ANKRD26: variants seen among roughly 807,000 people sequenced by gnomAD.
The protein encoded by ANKRD26 is ankyrin repeat domain-containing protein 26.
In ANKRD26, 141 loss-of-function variants were observed where a neutral mutation model predicts 208.7. That is an observed-to-expected ratio of 0.68 (90% confidence interval 0.59 to 0.78). ANKRD26 has a LOEUF of 0.78. Ranked by LOEUF, ANKRD26 falls within the 30% of genes least tolerant of loss-of-function variation. The pLI is 0.00. For synonymous variants in ANKRD26, 636 were observed against 660.4 expected, an observed-to-expected ratio of 0.96 and a Z score of 0.57; for missense variants, 1,889 against 1,938.7, an observed-to-expected ratio of 0.97 and a Z score of 0.48.
chr10:26,974,484 G>A (rs1241745845), exon 6 of ANKRD26, among the ~76,000 whole-genome samples: 1 of 152,014 alleles, frequency 6.6e-6, no homozygotes, highest in Non-Finnish European at 1.5e-5. Context: ...GGGACTACAG[G>A]CACCCGCCAC....
chr10:26,996,530 A>G (rs543264302), intron 4 of ANKRD26, among the ~76,000 whole-genome samples: 1 of 152,354 alleles, frequency 6.6e-6, no homozygotes, highest in African/African-American at 2.4e-5. Context: ...ACTGCACTCC[A>G]GCCTAGCAAC....
intron 9 of ANKRD26, among the ~76,000 whole-genome samples, chr10:27,075,359 T>C (rs2055659155): frequency 6.6e-6 from 1 of 152,168 alleles, no homozygotes; most frequent in South Asian, 2.1e-4. Flanking sequence ...ACACCTATCA[T>C]GTAAGGATTC....
chr10:27,035,130 T>C lies in ANKRD26; in HGVS notation c.3320A>G (p.Gln1107Arg). The C allele has an allele frequency of 1.2e-6, 2 of 1,613,392 alleles. No individual in the cohort carries two copies. Among genetic ancestry groups the C allele is most frequent in the Non-Finnish European group, 1.7e-6 (2 of 1,179,686 alleles). The change falls in exon 24 of 34, where the codon CAA (glutamine) becomes CGA (arginine). Residue 1107 changes from glutamine (Q) to arginine (R), a missense_variant. Physicochemically the swap from Gln to Arg is conservative, Grantham distance 43. Coordinates refer to ENST00000376087, the MANE Select transcript of ANKRD26 (RefSeq NM_014915.3). ...VQKDLSQTQCQMKEMEQKYQN... is the reference protein window; with the variant it reads ...VQKDLSQTQCRMKEMEQKYQN... ...ATACTTTTGTTCCATTTCCTTCATTTGACACTGTGTTTGGCTTAGGTCCTT... is the reference window on the plus strand; with the variant it reads ...ATACTTTTGTTCCATTTCCTTCATTCGACACTGTGTTTGGCTTAGGTCCTT...
chr10:27,067,191 A>G lies in ANKRD26; in HGVS notation c.1173T>C (p.Thr391=). The change falls in exon 10 of 34, where the codon ACT becomes ACC. Residue 391 remains threonine (T), a synonymous_variant. Coordinates refer to ENST00000376087, the MANE Select transcript of ANKRD26 (RefSeq NM_014915.3). The part of the protein sequence containing the change: ...PLEQTNNDNL[T]YVDEVHKNNR... ...TATTTTTGTGCACTTCATCAACATAAGTCAAATTGTCATTATTTGTTTGCT... is the reference window on the plus strand; with the variant it reads ...TATTTTTGTGCACTTCATCAACATAGGTCAAATTGTCATTATTTGTTTGCT... The G allele has an allele frequency of 1.9e-6, 3 of 1,613,844 alleles. No homozygotes were observed. Among genetic ancestry groups the G allele is most frequent in the Non-Finnish European group, 2.5e-6 (3 of 1,179,816 alleles).
the ANKRD26 span, among the ~76,000 whole-genome samples, chr10:26,960,166 G>A: frequency 6.6e-6 from 1 of 151,986 alleles, no homozygotes; most frequent in Non-Finnish European, 1.5e-5. Context: ...AAAAAGGGGG[G>A]GTAGTGTCTA....
intron 4 of ANKRD26, chr10:27,088,265 C>T (rs954176680): frequency 6.6e-6 from 1 of 152,182 alleles, no homozygotes; most frequent in Non-Finnish European, 1.5e-5. Flanking sequence ...GGGTGCCACC[C>T]TTTTGCTTTG....
rs753517351 is a variant in ANKRD26, at chr10:27,066,447, G to C, written c.1269+40C>G. 25 of 1,462,184 alleles carry C rather than the reference G, an allele frequency of 1.7e-5. No individual in the cohort carries two copies. In the East Asian group the frequency reaches 4.1e-4, roughly 24 times the overall value. The allele number at this position is 1,462,184 out of a possible 1,614,324, so 90.6% of individuals were successfully genotyped here. ...TCTTTATGTTTTAACATCACTCAAT[G>C]CTTATATTTTAAAATAATAGTAACA... is the stretch of plus-strand genomic sequence containing the variant. On this transcript the variant is annotated intron_variant, in intron 11 of 33. Coordinates refer to ENST00000376087, the MANE Select transcript of ANKRD26 (RefSeq NM_014915.3).
At chr10:27,053,446 G>A (rs1351537138) in intron 15 of ANKRD26, 56 bp from the exon 16 acceptor site, 3 of 1,121,318 alleles carry the variant, frequency 2.7e-6, no homozygotes, top group Non-Finnish European at 3.9e-6. Flanking sequence ...TAGGTAAAAG[G>A]TATAGTCTTT....
At chr10:27,028,692 A>G (rs2053761885) in intron 27 of ANKRD26, among the ~76,000 whole-genome samples, 160 bp downstream of exon 27, 1 of 152,122 alleles carries the variant, frequency 6.6e-6, no homozygotes, top group South Asian at 2.1e-4. Context: ...CCTGTCTCCA[A>G]GATATCTCAT....
intron 1 of ANKRD26, among the ~76,000 whole-genome samples, chr10:27,097,463 GA>G (rs2056505526): frequency 6.6e-6 from 1 of 151,324 alleles, no homozygotes; most frequent in Non-Finnish European, 1.5e-5. Context: ...CTCTGTCTAA[GA>G]AAAAAAGAAA....
Position 27,077,625 on chromosome 10 carries a change from C to A in ANKRD26, c.874+8G>T, listed in dbSNP as rs377114195. The A allele has an allele frequency of 1.1e-4, 181 of 1,613,406 alleles. No individual in the cohort carries two copies. The South Asian group carries it at 1.2e-3, about 11-fold the overall frequency. On this transcript the variant is annotated splice_region_variant and intron_variant, in intron 8 of 33. Coordinates refer to ENST00000376087, the MANE Select transcript of ANKRD26 (RefSeq NM_014915.3). ...AACACAAGAATAAGCAGTTTTCAAACAGCTTACAATTTTTCCTGGATTGCT... is the reference window on the plus strand; with the variant it reads ...AACACAAGAATAAGCAGTTTTCAAAAAGCTTACAATTTTTCCTGGATTGCT...
intron 5 of ANKRD26, among the ~76,000 whole-genome samples, chr10:26,979,428 GGACT>G (rs2052275266): frequency 6.6e-6 from 1 of 152,090 alleles, no homozygotes; most frequent in Admixed American, 6.5e-5. Context: ...GGAACACATG[GGACT>G]GACTGACTGT....
At chr10:27,085,025 A>G (rs892048077) in intron 5 of ANKRD26, among the ~76,000 whole-genome samples, 1 of 151,994 alleles carries the variant, frequency 6.6e-6, no homozygotes, top group African/African-American at 2.4e-5. Flanking sequence ...GGCTAATGAT[A>G]ACAGAGTGTT....
chr10:27,024,728 C>T (rs1297343232), intron 27 of ANKRD26, among the ~76,000 whole-genome samples, 169 bp from the exon 28 acceptor site: 2 of 152,002 alleles, frequency 1.3e-5, no homozygotes, highest in Non-Finnish European at 2.9e-5. Context: ...TTTCTTAAAA[C>T]AGCTCATATC....
At chr10:27,062,096 C>A in intron 12 of ANKRD26, 1 of 985,338 alleles carries the variant, frequency 1.0e-6, no homozygotes, top group African/African-American at 1.7e-5. Context: ...TCTTTCCCCA[C>A]TCACGATCTC....
chr10:26,997,038 T>C (rs2052608571), intron 4 of ANKRD26, among the ~76,000 whole-genome samples: 1 of 150,628 alleles, frequency 6.6e-6, no homozygotes, highest in African/African-American at 2.4e-5. Context: ...TGGCTCATAT[T>C]CCAAAAAAAA....
At chr10:27,091,120 G>A (rs2056286538) in intron 4 of ANKRD26, among the ~76,000 whole-genome samples, 2 of 147,626 alleles carry the variant, frequency 1.4e-5, no homozygotes, top group South Asian at 4.3e-4. Flanking sequence ...AATAATAAAG[G>A]TAATAATAGG....
chr10:27,094,771 T>A (rs1373591602), intron 1 of ANKRD26, among the ~76,000 whole-genome samples: 1 of 152,144 alleles, frequency 6.6e-6, no homozygotes, highest in Non-Finnish European at 1.5e-5. Context: ...GAAGCTGAGG[T>A]AGGATGACTG....
intron 6 of ANKRD26, chr10:27,080,773 T>C (rs1356327918): frequency 1.0e-6 from 1 of 985,370 alleles, no homozygotes; most frequent in African/African-American, 1.7e-5. Flanking sequence ...TCTCTGCTCC[T>C]GGAAAACAAG....
Sources: allele counts gnomAD v4.1 joint callset (sites outside exome capture counted in the v4.1 genomes callset), GRCh38; gene constraint gnomAD v4.1.1; transcripts MANE v1.5; gene names NCBI Gene and HGNC (gene_info 2026-07-23, HGNC 2026-07-21).